Variants in COG2 observed in about 807,000 individuals in gnomAD.
COG2 encodes the protein conserved oligomeric Golgi complex subunit 2.
In COG2, 52 loss-of-function variants were observed where a neutral mutation model predicts 90.6. The ratio of observed to expected loss-of-function variants is 0.57; its 90% CI spans 0.46 to 0.72. The LOEUF is 0.72. Ranked by LOEUF, COG2 falls within the 30% of genes least tolerant of loss-of-function variation. COG2 has a pLI of 0.00. For missense variants in COG2, 829 were observed against 891.2 expected, an observed-to-expected ratio of 0.93 and a Z score of 0.89; for synonymous variants, 337 against 320.4, an observed-to-expected ratio of 1.05 and a Z score of -0.55.
intron 2 of COG2, 128 bp downstream of exon 2, chr1:230,659,753 C>T: frequency 1.2e-6 from 1 of 861,360 alleles, no homozygotes; most frequent in East Asian, 3.0e-5. Flanking sequence ...TGAAGAGATC[C>T]CTAATGTCAT....
rs1662308923 is a variant in COG2 at position 230,665,931 on chromosome 1, G to A, written c.485+1344G>A. Reference sequence around the variant, plus strand: ...CCCATTCCTACTCTGTTCCTTTGATGGACTCCACTGCCCTTTTTCATGCCA... The same window carrying A: ...CCCATTCCTACTCTGTTCCTTTGATAGACTCCACTGCCCTTTTTCATGCCA... On this transcript the variant is annotated intron_variant, in intron 5 of 17. Transcript: ENST00000366669. Among the ~76,000 whole-genome samples, 3 of 152,068 alleles carry A rather than the reference G, an allele frequency of 2.0e-5. No homozygotes were observed. The South Asian group carries it at 6.2e-4, about 32-fold the overall frequency.
rs146526380 is a variant in COG2 at position 230,667,179 on chromosome 1, G to A, written c.486-1497G>A. Among the ~76,000 whole-genome samples the A allele has an allele frequency of 6.5e-4, 99 of 152,360 alleles. 2 individuals are homozygous for A. The East Asian group carries it at 0.019, about 29-fold the overall frequency. On this transcript the variant is annotated intron_variant, in intron 5 of 17. Coordinates refer to ENST00000366669, the MANE Select transcript of COG2 (RefSeq NM_007357.3). ...CTTTACACCACAGTGTCTGGAACTA[G>A]TAGGTACCTAAGAAAAGATAACCAA...
chr1:230,662,409 T>C (rs1662202063), intron 3 of COG2, among the ~76,000 whole-genome samples: 2 of 152,248 alleles, frequency 1.3e-5, no homozygotes, highest in Admixed American at 6.5e-5. Flanking sequence ...TTCATTTTTC[T>C]ATAGAATTTT....
intron 9 of COG2, chr1:230,678,616 G>T: frequency 7.5e-7 from 1 of 1,330,450 alleles, no homozygotes; most frequent in African/African-American, 1.5e-5. Context: ...CAGTGGGCTG[G>T]GGTAGGGGGC....
At chr1:230,657,623 G>T (rs1662090948) in intron 1 of COG2, among the ~76,000 whole-genome samples, 1 of 152,130 alleles carries the variant, frequency 6.6e-6, no homozygotes, top group African/African-American at 2.4e-5. Flanking sequence ...GTCTTGCTAG[G>T]TTGGGGAAGT....
In COG2 at chr1:230,642,549, C is replaced by T. The variant is rs546895899; in HGVS notation, c.-58C>T. 4.6e-5 allele frequency: 71 copies of T among 1,551,802 alleles called. No homozygotes were observed. The South Asian group carries it at 8.0e-4, about 17-fold the overall frequency. ...TGGCCGCGGCCGCCGAGTCGGTCTG[C>T]GCAGCCTCCTGCGTTTTCTCGCTTG... On this transcript the variant is annotated 5_prime_UTR_variant, in exon 1 of 18. Transcript: ENST00000366669.
chr1:230,678,356 GTTAAA>G (rs1207302378), intron 9 of COG2: 2 of 985,254 alleles, frequency 2.0e-6, no homozygotes, highest in South Asian at 4.7e-5. Context: ...CGTTTTGTGG[GTTAAA>G]TTAAATAAGA....
chr1:230,689,933 T>C (rs549179045), intron 15 of COG2, 81 bp from the exon 16 acceptor site: 2 of 1,374,236 alleles, frequency 1.5e-6, no homozygotes, highest in East Asian at 2.5e-5. Context: ...AGTATCCTTT[T>C]GGACTTGAGT....
intron 9 of COG2, among the ~76,000 whole-genome samples, chr1:230,677,064 A>G (rs190675754): frequency 6.6e-6 from 1 of 152,096 alleles, no homozygotes; most frequent in African/African-American, 2.4e-5. Context: ...GAACATTTTT[A>G]TATATTATTT....
At chr1:230,679,814 T>C (rs958737908) in intron 10 of COG2, 1 of 152,250 alleles carries the variant, frequency 6.6e-6, no homozygotes, top group African/African-American at 2.4e-5. Context: ...TGAAGAATCA[T>C]AGGCTTTTTT....
intron 1 of COG2, among the ~76,000 whole-genome samples, chr1:230,658,654 C>T (rs1043615746): frequency 6.6e-6 from 1 of 152,176 alleles, no homozygotes; most frequent in Admixed American, 6.5e-5. Flanking sequence ...GCACCCGCAG[C>T]CATCCCTTCC....
chr1:230,645,110 C>T (rs2102738366), intron 1 of COG2, among the ~76,000 whole-genome samples: 1 of 151,738 alleles, frequency 6.6e-6, no homozygotes, highest in East Asian at 1.9e-4. Flanking sequence ...TGGCACATAC[C>T]TGTAGTCCCA....
rs746323463 is a variant in COG2 at position 230,668,678 on chromosome 1, C to G, written c.488C>G (p.Pro163Arg). 6.3e-5 allele frequency: 101 copies of G among 1,602,742 alleles called. 2 individuals carry two copies. The highest frequency in any genetic ancestry group is 7.9e-5 in the Non-Finnish European group (93 of 1,171,344). Reference sequence around the variant, plus strand: ...TCTATAACTGTTTTCTCTACTAGCCCCCTTTTGACTGGACAAATTTTGGAG... The same window carrying G: ...TCTATAACTGTTTTCTCTACTAGCCGCCTTTTGACTGGACAAATTTTGGAG... ...KETSALEASS[P>R]LLTGQILERI... The change falls in exon 6 of 18, where the codon CCC becomes CGC. Residue 163 changes from proline to arginine, a missense_variant and splice_region_variant. Pro to Arg is a moderately radical substitution (Grantham distance 103, BLOSUM62 -2). Transcript: ENST00000366669.
intron 11 of COG2, 47 bp from the exon 12 acceptor site, chr1:230,685,038 A>G (rs1346733304): frequency 6.3e-7 from 1 of 1,592,920 alleles, no homozygotes; most frequent in East Asian, 2.2e-5. Context: ...ATAGCCTAAA[A>G]TTGCCTGAAA....
intron 10 of COG2, chr1:230,682,633 C>T (rs1011862339): frequency 2.0e-5 from 3 of 152,204 alleles, no homozygotes; most frequent in African/African-American, 7.2e-5. Flanking sequence ...TTTTACTCTT[C>T]AGACAGTTGC....
At position 230,687,263 on chromosome 1, in the gene COG2, G is replaced by T. The variant is rs1278739449; in HGVS notation, c.1578+131G>T. The T allele has an allele frequency of 6.3e-6, 4 of 632,618 alleles. No homozygotes were observed. In the East Asian group the frequency reaches 8.5e-5, roughly 13 times the overall value. 39.2% of individuals were successfully genotyped at this position (632,618 alleles called of 1,614,324 possible). ...GGGGACCCGTGGGTACCCCAAGAGA[G>T]AACCTCTCACTCACCTCCCTTTCTA... is the stretch of plus-strand genomic sequence containing the variant. On this transcript the variant is annotated intron_variant, in intron 13 of 17. Transcript: ENST00000366669.
At chr1:230,645,542 G>A (rs1661749474) in intron 1 of COG2, among the ~76,000 whole-genome samples, 1 of 152,030 alleles carries the variant, frequency 6.6e-6, no homozygotes, top group African/African-American at 2.4e-5. Context: ...GTAGGGCAAT[G>A]GTCCCCAACC....
At chr1:230,678,523 T>C (rs1662654223) in intron 9 of COG2, 3 of 985,250 alleles carry the variant, frequency 3.0e-6, no homozygotes, top group African/African-American at 3.5e-5. Context: ...TTCTCTCTCT[T>C]TCTTCTTCAG....
intron 7 of COG2, 39 bp downstream of exon 7, chr1:230,669,574 G>T (rs773026889): frequency 1.9e-6 from 3 of 1,578,564 alleles, no homozygotes; most frequent in Non-Finnish European, 2.6e-6. Context: ...ATGAGCTTCT[G>T]TTCTGTCTTT....
Sources: gnomAD v4.1 joint callset for allele counts (sites outside exome capture counted in the v4.1 genomes callset) on GRCh38, gnomAD v4.1.1 for gene constraint, MANE v1.5 for transcripts, NCBI Gene and HGNC (gene_info 2026-07-23, HGNC 2026-07-21) for gene names.